MED12L: variants seen among roughly 807,000 people sequenced by gnomAD.
MED12L encodes mediator complex subunit 12L, also known as mediator of RNA polymerase II transcription subunit 12-like protein.
A neutral mutation model predicts 281.3 loss-of-function variants in MED12L; 60 were observed. The observed-to-expected ratio is 0.21, with a 90% confidence interval of 0.17 to 0.26. The LOEUF is 0.26. Among genes scored for constraint, MED12L ranks in the 10% least tolerant of loss-of-function variants. The probability of loss-of-function intolerance (pLI) is 1.00; values close to 1 mark genes in which losing one functional copy is unlikely to be tolerated. For missense variants in MED12L, 2,146 were observed against 2,680.9 expected (o/e 0.80, Z 4.41); for synonymous variants, 974 against 987.2 (o/e 0.99, Z 0.25).
intron 2 of MED12L, among the ~76,000 whole-genome samples, chr3:151,114,497 T>G (rs572154156): frequency 1.2e-4 from 18 of 152,216 alleles, no homozygotes; most frequent in Non-Finnish European, 2.5e-4. Context: ...TCTTGATTAA[T>G]CATAGCGGTG....
At chr3:151,371,594 C>T (rs1756195399) in intron 26 of MED12L, among the ~76,000 whole-genome samples, 1 of 152,030 alleles carries the variant, frequency 6.6e-6, no homozygotes, top group Admixed American at 6.5e-5. Context: ...TCTTGGTTGA[C>T]TTGTGGGTTT....
chr3:151,301,152 G>A (rs970926655), intron 16 of MED12L, among the ~76,000 whole-genome samples: 1 of 152,106 alleles, frequency 6.6e-6, no homozygotes, highest in African/African-American at 2.4e-5. Context: ...CTTTTTGGGT[G>A]CCAGCATCAC....
At chr3:151,310,135 C>G (rs991202880) in intron 16 of MED12L, among the ~76,000 whole-genome samples, 66 of 152,036 alleles carry the variant, frequency 4.3e-4, no homozygotes, top group African/African-American at 1.2e-3. Context: ...AGCAGCAGCC[C>G]CACAGGTTAT....
At chr3:151,319,266 C>G (rs550495806) in intron 16 of MED12L, among the ~76,000 whole-genome samples, 5 of 152,154 alleles carry the variant, frequency 3.3e-5, no homozygotes, top group African/African-American at 1.2e-4. Context: ...AAAGGTAAAC[C>G]AGCATAATTT....
rs1273592647 is a variant in MED12L, at chr3:151,367,115, T to G, written c.3328-531T>G. Among the ~76,000 whole-genome samples, 9 of 60,464 alleles carry G rather than the reference T, an allele frequency of 1.5e-4. 2 individuals are homozygous for G. In the South Asian group the frequency reaches 7.8e-3, roughly 52 times the overall value. 39.7% of individuals were successfully genotyped at this position (60,464 alleles called of 152,430 possible). A position where few individuals can be genotyped will look rare whatever the true frequency, so the allele number is the denominator to read the frequency against. On this transcript the variant is annotated intron_variant, in intron 23 of 44. Transcript: ENST00000687756. ...GTGACTGAATTAATTTCCCCCTCTGTCCTTTTTCTTCTTTTTAAATTTAAG... is the reference window on the plus strand; with the variant it reads ...GTGACTGAATTAATTTCCCCCTCTGGCCTTTTTCTTCTTTTTAAATTTAAG...
At chr3:151,174,922 T>G (rs888067361) in intron 11 of MED12L, among the ~76,000 whole-genome samples, 1 of 152,184 alleles carries the variant, frequency 6.6e-6, no homozygotes, top group African/African-American at 2.4e-5. Flanking sequence ...CTTGAACTCC[T>G]GGGCTCAAGT....
At position 151,246,303 on chromosome 3, in the gene MED12L, G is replaced by GT. The variant is rs1439121989; in HGVS notation, c.2250+52638dup. On this transcript the variant is annotated intron_variant, in intron 16 of 44. Transcript: ENST00000687756. ...TTCATATGGAACCAAAAAAGAGCCC[G>GT]TATCGCCAAGTCAATCCTAAGCCAA... Among the ~76,000 whole-genome samples the GT allele has an allele frequency of 4.6e-3, 705 of 152,066 alleles. 13 individuals are homozygous for GT. Among genetic ancestry groups the GT allele is most frequent in the African/African-American group, 0.016 (661 of 41,408 alleles).
At chr3:151,103,761 G>A (rs1409602978) in intron 2 of MED12L, among the ~76,000 whole-genome samples, 1 of 152,180 alleles carries the variant, frequency 6.6e-6, no homozygotes, top group African/African-American at 2.4e-5. Context: ...AGGGAGATGG[G>A]ATTCCAGTTT....
At chr3:151,181,335 A>C (rs1432681297) in intron 11 of MED12L, among the ~76,000 whole-genome samples, 1 of 152,260 alleles carries the variant, frequency 6.6e-6, no homozygotes, top group Non-Finnish European at 1.5e-5. Flanking sequence ...TATTCTTTTA[A>C]AAATAAAAAT....
chr3:151,180,450 A>T (rs953610625), intron 11 of MED12L, among the ~76,000 whole-genome samples: 1 of 152,190 alleles, frequency 6.6e-6, no homozygotes, highest in African/African-American at 2.4e-5. Context: ...CATTTTGAGG[A>T]TAGGGACAAG....
intron 16 of MED12L, chr3:151,269,753 A>G (rs1481470932): frequency 7.1e-6 from 3 of 423,074 alleles, no homozygotes; most frequent in Admixed American, 5.6e-5. Context: ...TTTCATCTGA[A>G]TGAGAGTGGT....
chr3:151,244,648 G>A (rs1734961043), intron 16 of MED12L, among the ~76,000 whole-genome samples: 2 of 150,704 alleles, frequency 1.3e-5, no homozygotes, highest in South Asian at 2.1e-4. Context: ...AGCACTAAAT[G>A]CCCACAAGAG....
In MED12L at chr3:151,143,136, C is replaced by T. The variant is rs78098139; in HGVS notation, c.557-13025C>T. 3.6e-3 allele frequency among the ~76,000 whole-genome samples: 545 copies of T among 152,226 alleles called. 2 individuals carry two copies. Among genetic ancestry groups the T allele is most frequent in the African/African-American group, 0.012 (513 of 41,536 alleles). The stretch of plus-strand genomic sequence containing the variant: ...CCGGAGCAGGGAATGAGAGGGAAGC[C>T]GGGGTGGATCTGGCTGGTCTGTGTA... On this transcript the variant is annotated intron_variant, in intron 5 of 44. Coordinates refer to ENST00000687756, the MANE Select transcript of MED12L (RefSeq NM_001393769.1).
chr3:151,329,569 C>T (rs769491092), intron 16 of MED12L: 54 of 1,441,286 alleles, frequency 3.7e-5, no homozygotes, highest in Non-Finnish European at 2.9e-5. Context: ...AAATGTTCTG[C>T]TTTCTTATAG....
intron 11 of MED12L, 35 bp downstream of exon 11, chr3:151,166,017 A>G: frequency 6.4e-7 from 1 of 1,557,084 alleles, no homozygotes; most frequent in African/African-American, 1.4e-5. Flanking sequence ...TTCACCTTTT[A>G]TTTTCATAGT....
intron 31 of MED12L, 133 bp downstream of exon 31, chr3:151,378,306 C>G: frequency 1.1e-6 from 1 of 918,210 alleles, no homozygotes; most frequent in Non-Finnish European, 1.5e-6. Flanking sequence ...TGGGAATATT[C>G]TATTAGGCAA....
At chr3:151,225,245 T>C (rs1038827525) in intron 16 of MED12L, among the ~76,000 whole-genome samples, 15 of 152,206 alleles carry the variant, frequency 9.9e-5, no homozygotes, top group African/African-American at 3.6e-4. Context: ...ACACTCCCCT[T>C]ATTTCTCAGA....
intron 16 of MED12L, among the ~76,000 whole-genome samples, chr3:151,252,375 A>AT (rs534485552): frequency 7.8e-4 from 118 of 152,190 alleles, no homozygotes; most frequent in African/African-American, 2.8e-3. Flanking sequence ...CTAAGATCTG[A>AT]TTTTTCATAG....
intron 16 of MED12L, chr3:151,328,665 T>C (rs1378627478): frequency 6.2e-7 from 1 of 1,613,824 alleles, no homozygotes; most frequent in East Asian, 2.2e-5. Flanking sequence ...AACAGCACGA[T>C]GCCCACATAC....
Sources: gnomAD v4.1 joint callset for allele counts (sites outside exome capture counted in the v4.1 genomes callset) on GRCh38, gnomAD v4.1.1 for gene constraint, MANE v1.5 for transcripts, NCBI Gene and HGNC (gene_info 2026-07-23, HGNC 2026-07-21) for gene names.